Variants in CFAP47 observed in about 807,000 individuals in gnomAD.
The protein encoded by CFAP47 is cilia- and flagella-associated protein 47.
A neutral mutation model predicts 148.1 loss-of-function variants in CFAP47; 29 were observed. The observed-to-expected ratio is 0.20, with a 90% CI of 0.15 to 0.27. The LOEUF (loss-of-function observed/expected upper bound fraction) is 0.27, where lower values mean the gene tolerates loss of function less well. Among genes scored for constraint, CFAP47 ranks in the 10% least tolerant of loss-of-function variants. The pLI is 1.00. For synonymous variants in CFAP47, 664 were observed against 577.3 expected (o/e 1.15, Z -2.15); for missense variants, 1,872 against 1,697.5 (o/e 1.10, Z -1.81).
chrX:36,019,119 CT>C (rs1937129896), intron 22 of CFAP47, among the ~76,000 whole-genome samples: 1 of 111,622 alleles, frequency 9.0e-6, no homozygotes, highest in African/African-American at 3.3e-5. Context: ...TTGCAGACCC[CT>C]GACCCAGCGA....
intron 51 of CFAP47, among the ~76,000 whole-genome samples, chrX:36,297,205 C>T (rs1941251171): frequency 9.0e-6 from 1 of 111,681 alleles, no homozygotes; most frequent in East Asian, 2.8e-4. Flanking sequence ...TTCCATTCCT[C>T]TAAAATGTAG....
At chrX:36,170,263 G>C (rs1045697024) in intron 39 of CFAP47, among the ~76,000 whole-genome samples, 2 of 111,573 alleles carry the variant, frequency 1.8e-5, no homozygotes, top group South Asian at 3.8e-4. Flanking sequence ...CTTATATAGA[G>C]GGATAAATGT....
intron 62 of CFAP47, among the ~76,000 whole-genome samples, chrX:36,370,489 G>A (rs1941921775): frequency 9.1e-6 from 1 of 110,431 alleles, no homozygotes; most frequent in African/African-American, 3.3e-5. Flanking sequence ...TCTTTATCCA[G>A]TCTATTATTG....
chrX:36,037,820 T>G (rs919113117), intron 24 of CFAP47, among the ~76,000 whole-genome samples: 4 of 111,872 alleles, frequency 3.6e-5, no homozygotes, highest in Non-Finnish European at 7.5e-5. Flanking sequence ...ATCAAATTTA[T>G]GAAATGAAAC....
chrX:36,337,476 T>C (rs782058316), intron 57 of CFAP47, among the ~76,000 whole-genome samples: 5 of 111,536 alleles, frequency 4.5e-5, no homozygotes, highest in Non-Finnish European at 9.4e-5. Context: ...GGTAGAGAAA[T>C]AGGTAAAATG....
intron 33 of CFAP47, among the ~76,000 whole-genome samples, chrX:36,122,483 T>C (rs1195412362): frequency 9.0e-6 from 1 of 110,976 alleles, no homozygotes; most frequent in African/African-American, 3.3e-5. Flanking sequence ...GACATGCTAC[T>C]TTTTTTTCAT....
chrX:36,114,822 C>A (rs909880638), intron 33 of CFAP47, among the ~76,000 whole-genome samples: 13 of 111,228 alleles, frequency 1.2e-4, no homozygotes, highest in African/African-American at 3.3e-4. Flanking sequence ...GCAACAGGAT[C>A]CTTCCTAATT....
chrX:35,958,044 C>T (rs926217247), intron 8 of CFAP47, among the ~76,000 whole-genome samples: 1 of 111,395 alleles, frequency 9.0e-6, no homozygotes, highest in African/African-American at 3.3e-5. Flanking sequence ...TTCCCCTTCT[C>T]CTCATTCATC....
chrX:36,148,901 A>ATGTGTGTGTGTGTGTGTGTGTG (rs60968920), intron 36 of CFAP47, among the ~76,000 whole-genome samples: 93 of 92,264 alleles, frequency 1.0e-3, no homozygotes, highest in African/African-American at 3.7e-3. Context: ...AACTGTATGT[A>ATGTGTGTGTGTGTGTGTGTGTG]TGTGTGTGTG....
intron 49 of CFAP47, among the ~76,000 whole-genome samples, chrX:36,257,868 A>C (rs782047154): frequency 4.5e-4 from 50 of 112,155 alleles, no homozygotes; most frequent in Non-Finnish European, 9.4e-4. Flanking sequence ...CTAAATACAA[A>C]GGACCAAAGG....
chrX:36,274,707 T>G (rs1182281435), intron 49 of CFAP47, among the ~76,000 whole-genome samples: 1 of 112,402 alleles, frequency 8.9e-6, no homozygotes, highest in Non-Finnish European at 1.9e-5. Flanking sequence ...ATTTTGTTCA[T>G]GAACATTTGC....
intron 57 of CFAP47, among the ~76,000 whole-genome samples, chrX:36,330,390 A>G (rs1337482509): frequency 1.8e-5 from 2 of 112,117 alleles, no homozygotes; most frequent in Admixed American, 9.5e-5. Flanking sequence ...TCTGAGACAT[A>G]GCTAGAACAT....
rs1311920508 is a variant in CFAP47 at position 36,291,238 on chromosome X, G to A, written c.7686+5512G>A. Among the ~76,000 whole-genome samples the A allele has an allele frequency of 2.7e-5, 3 of 111,854 alleles. No homozygotes were observed. In the East Asian group the frequency reaches 8.4e-4, roughly 31 times the overall value. On this transcript the variant is annotated intron_variant, in intron 51 of 63. Transcript: ENST00000378653. The stretch of plus-strand genomic sequence containing the variant: ...TGGGCAAGTTCAAATTTTACATAAT[G>A]AGTTAAGAAGTTGTTCTAAAACTCA...
chrX:36,118,297 AG>A (rs1262687424), intron 33 of CFAP47, among the ~76,000 whole-genome samples: 1 of 111,048 alleles, frequency 9.0e-6, no homozygotes, highest in Non-Finnish European at 1.9e-5. Context: ...GTATTTTCAT[AG>A]GGGTTGCATG....
intron 49 of CFAP47, among the ~76,000 whole-genome samples, chrX:36,268,083 A>G (rs1239020039): frequency 8.8e-6 from 1 of 113,013 alleles, no homozygotes; most frequent in African/African-American, 3.2e-5. Flanking sequence ...ATTTGTGTAA[A>G]TAGATCTACA....
At chrX:36,011,643 C>G (rs1448988503) in intron 21 of CFAP47, among the ~76,000 whole-genome samples, 2 of 111,636 alleles carry the variant, frequency 1.8e-5, no homozygotes, top group African/African-American at 6.5e-5. Context: ...CTTCATGTAC[C>G]CCCAGGAAGG....
At chrX:36,243,817 T>C (rs1555996531) in intron 48 of CFAP47, among the ~76,000 whole-genome samples, 1 of 106,888 alleles carries the variant, frequency 9.4e-6, no homozygotes, top group Non-Finnish European at 1.9e-5. Context: ...AGTCAGAAAA[T>C]TTAGAAAGAA....
In CFAP47 at chrX:36,019,801, T is replaced by C. The variant is rs964865893; in HGVS notation, c.3556+4889T>C. Reference sequence around the variant, plus strand: ...AATAAGCCTTTTTAAAAATCTCTGATTTTATTTATTTGGATCTTCTCTCTT... The same window carrying C: ...AATAAGCCTTTTTAAAAATCTCTGACTTTATTTATTTGGATCTTCTCTCTT... On this transcript the variant is annotated intron_variant, in intron 22 of 63. Coordinates refer to ENST00000378653, the MANE Select transcript of CFAP47 (RefSeq NM_001304548.2). 3.6e-5 allele frequency among the ~76,000 whole-genome samples: 4 copies of C among 112,018 alleles called. No homozygotes were observed. The East Asian group carries it at 1.1e-3, about 32-fold the overall frequency.
intron 28 of CFAP47, 72 bp downstream of exon 28, chrX:36,072,043 A>G: frequency 2.4e-6 from 2 of 837,696 alleles, no homozygotes; most frequent in Non-Finnish European, 3.3e-6. Flanking sequence ...CACTTAATTT[A>G]AGGTTAGGTT....
Sources: gnomAD v4.1 joint callset for allele counts (sites outside exome capture counted in the v4.1 genomes callset) on GRCh38, gnomAD v4.1.1 for gene constraint, MANE v1.5 for transcripts, NCBI Gene and HGNC (gene_info 2026-07-23, HGNC 2026-07-21) for gene names.